Variants in TFPI observed in about 807,000 individuals in gnomAD.
TFPI encodes the protein tissue factor pathway inhibitor.
Under a neutral mutation model 34.6 loss-of-function variants are expected in TFPI, and 15 were observed. The ratio of observed to expected loss-of-function variants is 0.43; its 90% CI spans 0.29 to 0.67. The LOEUF (loss-of-function observed/expected upper bound fraction) is 0.67, where lower values mean the gene tolerates loss of function less well. Ranked by LOEUF, TFPI falls within the 30% of genes least tolerant of loss-of-function variation. The pLI is 0.15. For missense variants in TFPI, 301 were observed against 364.0 expected (o/e 0.83, Z 1.41); for synonymous variants, 105 against 120.1 (o/e 0.87, Z 0.82).
intron 1 of TFPI, among the ~76,000 whole-genome samples, chr2:187,523,191 T>C (rs986866222): frequency 6.6e-6 from 1 of 152,070 alleles, no homozygotes; most frequent in Non-Finnish European, 1.5e-5. Flanking sequence ...AATAAATAAA[T>C]ACATAAATAA....
intron 3 of TFPI, among the ~76,000 whole-genome samples, chr2:187,490,843 TTAA>T (rs1360613800): frequency 6.6e-6 from 1 of 151,814 alleles, no homozygotes; most frequent in Non-Finnish European, 1.5e-5. Context: ...ATTGAATATT[TTAA>T]TAATAATTTC....
chr2:187,529,023 A>G (rs1437064320), intron 1 of TFPI, among the ~76,000 whole-genome samples: 1 of 152,214 alleles, frequency 6.6e-6, no homozygotes, highest in Non-Finnish European at 1.5e-5. Flanking sequence ...TGTTGGTAGG[A>G]CCAGTTTTTT....
In TFPI at chr2:187,503,518, A is replaced by C. The variant is rs1433779522; in HGVS notation, c.121+130T>G. On this transcript the variant is annotated intron_variant, in intron 2 of 7. Transcript: ENST00000233156. ...ACACACACATACATTAGGTATAATAAATTTCCAAAGAAAAATATCACTTCA... is the reference window on the plus strand; with the variant it reads ...ACACACACATACATTAGGTATAATACATTTCCAAAGAAAAATATCACTTCA... 17 of 1,107,576 alleles carry C rather than the reference A, an allele frequency of 1.5e-5. No homozygotes were observed. In the Admixed American group the frequency reaches 4.1e-4, roughly 27 times the overall value. 68.6% of individuals were successfully genotyped at this position (1,107,576 alleles called of 1,614,324 possible).
chr2:187,547,925 G>T (rs960519659), intron 1 of TFPI, among the ~76,000 whole-genome samples: 4 of 151,748 alleles, frequency 2.6e-5, no homozygotes, highest in Non-Finnish European at 5.9e-5. Context: ...TAATTTTCTG[G>T]GAATGGTGAC....
chr2:187,477,024 T>TG, intron 6 of TFPI, among the ~76,000 whole-genome samples: 1 of 152,198 alleles, frequency 6.6e-6, no homozygotes, highest in East Asian at 1.9e-4. Context: ...TGATTTTTTT[T>TG]CCTTTTAAAG....
intron 1 of TFPI, chr2:187,527,151 T>G (rs1687722053): frequency 6.6e-6 from 1 of 152,194 alleles, no homozygotes; most frequent in Admixed American, 6.6e-5. Flanking sequence ...AAAGAAAACA[T>G]TAGAATAAAA....
intron 3 of TFPI, among the ~76,000 whole-genome samples, chr2:187,490,453 CT>C (rs1685041671): frequency 6.6e-6 from 1 of 151,548 alleles, no homozygotes; most frequent in African/African-American, 2.4e-5. Flanking sequence ...ATTGTTGTGT[CT>C]TTTTTATTAA....
intron 1 of TFPI, among the ~76,000 whole-genome samples, chr2:187,538,279 T>C (rs1160713838): frequency 1.3e-5 from 2 of 152,218 alleles, no homozygotes; most frequent in South Asian, 4.1e-4. Flanking sequence ...TAAAGACATA[T>C]GCACAAGTAT....
chr2:187,490,147 A>G (rs1685019721), intron 3 of TFPI, among the ~76,000 whole-genome samples: 1 of 151,588 alleles, frequency 6.6e-6, no homozygotes, highest in South Asian at 2.1e-4. Flanking sequence ...AAACTGACTT[A>G]TTTATTTTTG....
At chr2:187,522,552 A>G (rs1320195249) in intron 1 of TFPI, among the ~76,000 whole-genome samples, 1 of 151,892 alleles carries the variant, frequency 6.6e-6, no homozygotes, top group Non-Finnish European at 1.5e-5. Flanking sequence ...GGGCAGATCT[A>G]TTTTGTCTTC....
intron 4 of TFPI, among the ~76,000 whole-genome samples, chr2:187,487,902 A>C (rs997354452): frequency 3.3e-5 from 5 of 151,466 alleles, no homozygotes; most frequent in African/African-American, 1.2e-4. Flanking sequence ...GATTAGATTA[A>C]CAAGTGATTA....
At chr2:187,473,285 G>T (rs1388369713) in intron 6 of TFPI, among the ~76,000 whole-genome samples, 2 of 152,050 alleles carry the variant, frequency 1.3e-5, no homozygotes, top group African/African-American at 4.8e-5. Flanking sequence ...GCTTTATTAG[G>T]TAGGGAGCTT....
chr2:187,547,934 A>AC (rs1208135667), intron 1 of TFPI, among the ~76,000 whole-genome samples: 2 of 152,104 alleles, frequency 1.3e-5, no homozygotes, highest in Non-Finnish European at 2.9e-5. Context: ...GGGAATGGTG[A>AC]CCAGAGATTT....
At chr2:187,512,256 C>A (rs1686690437) in intron 1 of TFPI, among the ~76,000 whole-genome samples, 2 of 144,124 alleles carry the variant, frequency 1.4e-5, no homozygotes, top group African/African-American at 2.6e-5. Context: ...CACACCTTAC[C>A]AGTTCAGAAG....
intron 6 of TFPI, among the ~76,000 whole-genome samples, chr2:187,481,494 G>A (rs1233400318): frequency 2.6e-5 from 4 of 151,994 alleles, no homozygotes; most frequent in Admixed American, 1.3e-4. Flanking sequence ...TCCCACTTCC[G>A]CATCTTGGCT....
At chr2:187,537,775 A>G (rs1054679423) in intron 1 of TFPI, among the ~76,000 whole-genome samples, 5 of 152,234 alleles carry the variant, frequency 3.3e-5, no homozygotes, top group Admixed American at 3.3e-4. Flanking sequence ...GCACAGCAAA[A>G]GAAACTATCT....
At chr2:187,538,305 A>G (rs1220301026) in intron 1 of TFPI, among the ~76,000 whole-genome samples, 1 of 152,248 alleles carries the variant, frequency 6.6e-6, no homozygotes, top group Non-Finnish European at 1.5e-5. Context: ...TTGCAGCACT[A>G]TTCACAGTAG....
At chr2:187,498,023 A>C (rs1186042830) in intron 2 of TFPI, among the ~76,000 whole-genome samples, 2 of 151,850 alleles carry the variant, frequency 1.3e-5, no homozygotes, top group Non-Finnish European at 2.9e-5. Flanking sequence ...CTTATGGGGA[A>C]TATTGAAACC....
chr2:187,512,822 C>A (rs1238949463), intron 1 of TFPI, among the ~76,000 whole-genome samples: 2 of 151,802 alleles, frequency 1.3e-5, no homozygotes, highest in African/African-American at 4.8e-5. Context: ...ATGGTAAATT[C>A]TTATCCTGAA....
Sources: allele counts gnomAD v4.1 joint callset (sites outside exome capture counted in the v4.1 genomes callset), GRCh38; gene constraint gnomAD v4.1.1; transcripts MANE v1.5; gene names NCBI Gene and HGNC (gene_info 2026-07-23, HGNC 2026-07-21).